The following RIMS2 variants were observed in gnomAD, a reference collection of about 807,000 sequenced individuals.
RIMS2 encodes regulating synaptic membrane exocytosis protein 2.
Under a neutral mutation model 174.4 loss-of-function variants are expected in RIMS2, and 59 were observed. The observed-to-expected ratio is 0.34, with a 90% CI of 0.27 to 0.42. RIMS2 has a LOEUF of 0.42. Ranked by LOEUF, RIMS2 falls within the 10% of genes least tolerant of loss-of-function variation. The pLI is 1.00. For synonymous variants in RIMS2, 606 were observed against 572.5 expected, an observed-to-expected ratio of 1.06 and a Z score of -0.84; for missense variants, 1,620 against 1,666.3, an observed-to-expected ratio of 0.97 and a Z score of 0.48.
chr8:104,071,822 T>C (rs1168438673), intron 19 of RIMS2, among the ~76,000 whole-genome samples: 1 of 152,222 alleles, frequency 6.6e-6, no homozygotes, highest in African/African-American at 2.4e-5. Context: ...AGAACTATTG[T>C]AAAATTATCC....
intron 1 of RIMS2, among the ~76,000 whole-genome samples, chr8:103,578,554 A>AAAC (rs374420643): frequency 7.8e-4 from 114 of 146,640 alleles, no homozygotes; most frequent in Non-Finnish European, 1.2e-3. Context: ...AAACAAAACA[A>AAAC]AACAACAACA....
chr8:103,985,279 G>C (rs1027134058), intron 16 of RIMS2, among the ~76,000 whole-genome samples: 7 of 151,804 alleles, frequency 4.6e-5, no homozygotes, highest in Non-Finnish European at 7.4e-5. Flanking sequence ...TTCGAGACCA[G>C]CCTGGCCAAT....
chr8:104,066,865 A>G (rs1178397967), intron 19 of RIMS2, among the ~76,000 whole-genome samples: 3 of 151,990 alleles, frequency 2.0e-5, no homozygotes, highest in Non-Finnish European at 4.4e-5. Flanking sequence ...TTTTTTGTAT[A>G]TTTATCTAAG....
chr8:103,549,237 A>G (rs1458280702), intron 1 of RIMS2, among the ~76,000 whole-genome samples: 2 of 152,198 alleles, frequency 1.3e-5, no homozygotes, highest in Non-Finnish European at 2.9e-5. Flanking sequence ...CGGGTTACCC[A>G]CAAAGGGAAG....
At chr8:103,505,734 C>G (rs1046514830) in intron 1 of RIMS2, among the ~76,000 whole-genome samples, 13 of 152,094 alleles carry the variant, frequency 8.5e-5, no homozygotes, top group African/African-American at 3.1e-4. Context: ...AGGGGACTTT[C>G]CCACATCCTC....
chr8:103,913,133 CA>C (rs1009493825), intron 6 of RIMS2, among the ~76,000 whole-genome samples: 7 of 144,592 alleles, frequency 4.8e-5, no homozygotes, highest in South Asian at 2.1e-4. Flanking sequence ...CCACCATACC[CA>C]GCTATTTTTT....
chr8:103,650,757 T>C (rs2096437036), intron 1 of RIMS2, among the ~76,000 whole-genome samples: 1 of 152,206 alleles, frequency 6.6e-6, no homozygotes, highest in African/African-American at 2.4e-5. Context: ...TTCTTCAAAG[T>C]TGGCAGGCTG....
intron 19 of RIMS2, among the ~76,000 whole-genome samples, chr8:104,192,539 T>C (rs2099003198): frequency 2.6e-5 from 4 of 152,180 alleles, no homozygotes; most frequent in Admixed American, 6.5e-5. Context: ...ATTTTAAATG[T>C]ATTAGCTAAT....
At chr8:103,852,077 C>A (rs536049186) in intron 3 of RIMS2, among the ~76,000 whole-genome samples, 1 of 151,850 alleles carries the variant, frequency 6.6e-6, no homozygotes, top group Non-Finnish European at 1.5e-5. Flanking sequence ...GACTTTTCCC[C>A]GAAAACATTA....
At chr8:103,538,386 G>GT in intron 1 of RIMS2, among the ~76,000 whole-genome samples, 2 of 152,120 alleles carry the variant, frequency 1.3e-5, no homozygotes, top group Admixed American at 1.3e-4. Flanking sequence ...GGTTACATGA[G>GT]TAAGTTCTTT....
intron 17 of RIMS2, chr8:103,998,051 T>C (rs2095211357): frequency 3.3e-6 from 2 of 612,554 alleles, no homozygotes; most frequent in South Asian, 4.4e-5. Context: ...GGGCAAGCTT[T>C]CCAATAACAG....
chr8:104,155,670 C>T (rs2098719227), intron 19 of RIMS2, among the ~76,000 whole-genome samples: 1 of 152,056 alleles, frequency 6.6e-6, no homozygotes, highest in Non-Finnish European at 1.5e-5. Context: ...GCCTCGGCCT[C>T]CCAAAGTGCT....
chr8:104,196,123 T>C (rs2099022925), intron 19 of RIMS2, among the ~76,000 whole-genome samples: 2 of 152,178 alleles, frequency 1.3e-5, no homozygotes, highest in African/African-American at 4.8e-5. Flanking sequence ...AAAAATCTTT[T>C]ATAATGTTTT....
chr8:103,917,303 G>A (rs1296387433), intron 8 of RIMS2, among the ~76,000 whole-genome samples: 1 of 152,122 alleles, frequency 6.6e-6, no homozygotes, highest in Non-Finnish European at 1.5e-5. Flanking sequence ...AGGAAATGAT[G>A]GGCCTGTATT....
At chr8:103,580,825 CTTTTTTTTT>C (rs61559970) in intron 1 of RIMS2, among the ~76,000 whole-genome samples, 6 of 113,464 alleles carry the variant, frequency 5.3e-5, no homozygotes, top group East Asian at 6.4e-4. Flanking sequence ...AAAGGGAATA[CTTTTTTTTT>C]TTTTTTTTTT....
intron 3 of RIMS2, among the ~76,000 whole-genome samples, chr8:103,879,993 T>G (rs1473327211): frequency 6.6e-6 from 1 of 151,676 alleles, no homozygotes; most frequent in African/African-American, 2.4e-5. Context: ...AACCAACTTC[T>G]TAGTTAATGG....
chr8:103,899,545 C>T (rs886828680), intron 4 of RIMS2, among the ~76,000 whole-genome samples: 2 of 151,580 alleles, frequency 1.3e-5, no homozygotes, highest in African/African-American at 4.9e-5. Flanking sequence ...CTTTTCATAT[C>T]CTTTGCCCAC....
At position 103,785,214 on chromosome 8, in the gene RIMS2, A is replaced by G. The variant is rs974518472; in HGVS notation, c.698+18677A>G. Among the ~76,000 whole-genome samples, 22 of 147,170 alleles carry G rather than the reference A, an allele frequency of 1.5e-4. 1 individual carries two copies. Among genetic ancestry groups the G allele is most frequent in the African/African-American group, 3.3e-4 (13 of 39,244 alleles). ...TAGATATACAATCATGTCATCTGCA[A>G]ACAGGGACAATTTGACTTCCTCTTT... On this transcript the variant is annotated intron_variant, in intron 3 of 23. Coordinates refer to ENST00000504942, the Ensembl canonical transcript of RIMS2.
chr8:103,630,078 A>G (rs1398537602), intron 1 of RIMS2, among the ~76,000 whole-genome samples: 1 of 151,956 alleles, frequency 6.6e-6, no homozygotes, highest in South Asian at 2.1e-4. Context: ...GAGTGAACCA[A>G]TATCAGGCCA....
Sources: gnomAD v4.1 joint callset for allele counts (sites outside exome capture counted in the v4.1 genomes callset) on GRCh38, gnomAD v4.1.1 for gene constraint, MANE v1.5 for transcripts, NCBI Gene and HGNC (gene_info 2026-07-23, HGNC 2026-07-21) for gene names.